FIGN: variants seen among roughly 807,000 people sequenced by gnomAD.
FIGN encodes fidgetin, microtubule severing factor, also known as fidgetin.
In FIGN, 11 loss-of-function variants were observed where a neutral mutation model predicts 51.3. That is an observed-to-expected ratio of 0.21 (90% CI 0.13 to 0.35). FIGN has a LOEUF of 0.35. Among genes scored for constraint, FIGN ranks in the 10% least tolerant of loss-of-function variants. The pLI is 1.00. For synonymous variants in FIGN, 407 were observed against 363.2 expected, an observed-to-expected ratio of 1.12 and a Z score of -1.37; for missense variants, 857 against 943.6, an observed-to-expected ratio of 0.91 and a Z score of 1.20.
intron 2 of FIGN, among the ~76,000 whole-genome samples, chr2:163,651,342 G>A (rs1402638570): frequency 1.3e-5 from 2 of 152,066 alleles, no homozygotes; most frequent in Admixed American, 6.6e-5. Context: ...CACACCTGTA[G>A]TCCCAGCTAC....
At chr2:163,664,270 G>A (rs902342745) in intron 2 of FIGN, among the ~76,000 whole-genome samples, 3 of 152,080 alleles carry the variant, frequency 2.0e-5, no homozygotes, top group Non-Finnish European at 4.4e-5. Context: ...GTTGTTAATC[G>A]TTCCTTTCTT....
At chr2:163,732,635 T>C (rs916341055) in intron 2 of FIGN, among the ~76,000 whole-genome samples, 2 of 152,240 alleles carry the variant, frequency 1.3e-5, no homozygotes, top group Admixed American at 6.5e-5. Flanking sequence ...CTTTCAACTG[T>C]TACGTCCAGA....
At chr2:163,657,531 T>C (rs957682127) in intron 2 of FIGN, among the ~76,000 whole-genome samples, 36 of 150,750 alleles carry the variant, frequency 2.4e-4, no homozygotes, top group African/African-American at 5.9e-4. Context: ...TGTGTGTGTG[T>C]GCATGCACAT....
chr2:163,704,750 A>G (rs1454259172), intron 2 of FIGN, among the ~76,000 whole-genome samples: 1 of 151,812 alleles, frequency 6.6e-6, no homozygotes, highest in Non-Finnish European at 1.5e-5. Flanking sequence ...GAAGTTCCTA[A>G]GACAACTACT....
chr2:163,640,129 AC>A (rs547419045), intron 2 of FIGN, among the ~76,000 whole-genome samples: 152 of 152,300 alleles, frequency 1.0e-3, no homozygotes, highest in Admixed American at 3.2e-3. Flanking sequence ...AAAATAAAAC[AC>A]TTTTACAGAA....
At chr2:163,651,472 CA>C (rs939014476) in intron 2 of FIGN, among the ~76,000 whole-genome samples, 2 of 151,812 alleles carry the variant, frequency 1.3e-5, no homozygotes, top group Admixed American at 6.6e-5. Context: ...CAAAACAACA[CA>C]AAAAAAAGTT....
At chr2:163,648,680 G>T (rs377074293) in intron 2 of FIGN, among the ~76,000 whole-genome samples, 1 of 152,040 alleles carries the variant, frequency 6.6e-6, no homozygotes, top group African/African-American at 2.4e-5. Context: ...ACATTTTTTG[G>T]TACATCAAAA....
intron 2 of FIGN, among the ~76,000 whole-genome samples, chr2:163,612,838 G>C (rs532965188): frequency 5.9e-5 from 9 of 151,582 alleles, no homozygotes; most frequent in African/African-American, 1.7e-4. Flanking sequence ...GATAAGAATG[G>C]AGAGAGATTC....
chr2:163,644,679 A>T (rs1191920067), intron 2 of FIGN, among the ~76,000 whole-genome samples: 1 of 152,216 alleles, frequency 6.6e-6, no homozygotes, highest in African/African-American at 2.4e-5. Flanking sequence ...GAAGCAACCC[A>T]AATATTCATC....
chr2:163,730,853 T>G (rs1684916738), intron 2 of FIGN, among the ~76,000 whole-genome samples: 1 of 152,174 alleles, frequency 6.6e-6, no homozygotes, highest in Non-Finnish European at 1.5e-5. Context: ...TCAATTTAAA[T>G]TCCTGGTAAT....
intron 2 of FIGN, among the ~76,000 whole-genome samples, chr2:163,631,180 TA>T (rs1173826534): frequency 1.3e-5 from 2 of 152,208 alleles, no homozygotes; most frequent in African/African-American, 4.8e-5. Flanking sequence ...TTCACTGGTG[TA>T]TCAAAAGATC....
chr2:163,641,980 A>T (rs1313812788), intron 2 of FIGN, among the ~76,000 whole-genome samples: 1 of 152,212 alleles, frequency 6.6e-6, no homozygotes, highest in Non-Finnish European at 1.5e-5. Flanking sequence ...TATTTCACTA[A>T]TAAAGAATAC....
chr2:163,686,528 G>A (rs1277040764), intron 2 of FIGN, among the ~76,000 whole-genome samples: 1 of 152,114 alleles, frequency 6.6e-6, no homozygotes, highest in East Asian at 1.9e-4. Flanking sequence ...CGGTAAAGAA[G>A]TGAGAAGTGT....
chr2:163,659,871 G>A (rs1411953211), intron 2 of FIGN, among the ~76,000 whole-genome samples: 2 of 152,130 alleles, frequency 1.3e-5, no homozygotes, highest in Non-Finnish European at 2.9e-5. Context: ...GGGAGGCTGA[G>A]TCCAGAGGAT....
At chr2:163,629,615 T>A (rs1683112410) in intron 2 of FIGN, among the ~76,000 whole-genome samples, 1 of 152,144 alleles carries the variant, frequency 6.6e-6, no homozygotes, top group Admixed American at 6.6e-5. Flanking sequence ...GTGTGATATC[T>A]TCTGTAAATA....
At chr2:163,692,553 T>C (rs1195642995) in intron 2 of FIGN, among the ~76,000 whole-genome samples, 2 of 152,198 alleles carry the variant, frequency 1.3e-5, no homozygotes, top group African/African-American at 4.8e-5. Flanking sequence ...TAAAAAGTTG[T>C]CAATCTATTA....
chr2:163,633,540 T>C (rs775908311), intron 2 of FIGN, among the ~76,000 whole-genome samples: 5 of 152,160 alleles, frequency 3.3e-5, no homozygotes, highest in South Asian at 2.1e-4. Flanking sequence ...GTTTCAGGGA[T>C]ATTGCTGCCT....
At chr2:163,710,217 T>C (rs191450176) in intron 2 of FIGN, among the ~76,000 whole-genome samples, 6 of 152,290 alleles carry the variant, frequency 3.9e-5, no homozygotes, top group Admixed American at 2.0e-4. Flanking sequence ...ACTTCCTTTA[T>C]TTAGGGATAA....
intron 2 of FIGN, among the ~76,000 whole-genome samples, chr2:163,677,177 A>G (rs1039413926): frequency 1.3e-5 from 2 of 152,244 alleles, no homozygotes; most frequent in African/African-American, 2.4e-5. Flanking sequence ...GAAAGATGAT[A>G]TGGCTTATTC....
Sources: gnomAD v4.1 joint callset for allele counts (sites outside exome capture counted in the v4.1 genomes callset) on GRCh38, gnomAD v4.1.1 for gene constraint, MANE v1.5 for transcripts, NCBI Gene and HGNC (gene_info 2026-07-23, HGNC 2026-07-21) for gene names.